Variants in SYN2 observed in about 807,000 individuals in gnomAD.
SYN2 encodes synapsin II.
In SYN2, 19 loss-of-function variants were observed where a neutral mutation model predicts 50.9. The ratio of observed to expected loss-of-function variants is 0.37; its 90% CI spans 0.26 to 0.55. The LOEUF is 0.55. Among genes scored for constraint, SYN2 ranks in the 20% least tolerant of loss-of-function variants. The probability of loss-of-function intolerance (pLI) is 0.81; values close to 1 mark genes in which losing one functional copy is unlikely to be tolerated. For missense variants in SYN2, 587 were observed against 576.4 expected, an observed-to-expected ratio of 1.02 and a Z score of -0.19; for synonymous variants, 255 against 224.9, an observed-to-expected ratio of 1.13 and a Z score of -1.20.
chr3:12,018,581 A>G (rs1413880679), intron 1 of SYN2, among the ~76,000 whole-genome samples: 1 of 152,194 alleles, frequency 6.6e-6, no homozygotes, highest in Non-Finnish European at 1.5e-5. Context: ...ATTCTCTTGC[A>G]GAAACATCTA....
intron 1 of SYN2, among the ~76,000 whole-genome samples, chr3:12,140,039 T>C (rs1004736438): frequency 3.9e-5 from 6 of 152,346 alleles, no homozygotes; most frequent in African/African-American, 1.4e-4. Flanking sequence ...CTCAGAAATG[T>C]GGGCTAAGTT....
chr3:12,059,224 C>T (rs965067646), intron 1 of SYN2, among the ~76,000 whole-genome samples: 1 of 152,076 alleles, frequency 6.6e-6, no homozygotes, highest in Admixed American at 6.6e-5. Context: ...TTTTTATAGG[C>T]AGGAGTAAAT....
intron 1 of SYN2, among the ~76,000 whole-genome samples, chr3:12,130,936 G>A (rs761927917): frequency 1.4e-4 from 21 of 152,222 alleles, no homozygotes; most frequent in Admixed American, 9.8e-4. Context: ...TCCTAAGGAG[G>A]CAGAACTTGT....
intron 1 of SYN2, among the ~76,000 whole-genome samples, chr3:12,116,594 T>G (rs1559426307): frequency 6.6e-6 from 1 of 152,116 alleles, no homozygotes; most frequent in Non-Finnish European, 1.5e-5. Context: ...AAAGTAAGCT[T>G]TATGTGTTTT....
chr3:12,124,447 A>G (rs185955424), intron 1 of SYN2, among the ~76,000 whole-genome samples: 5 of 152,346 alleles, frequency 3.3e-5, no homozygotes, highest in Admixed American at 2.6e-4. Context: ...AAGAATAGAA[A>G]TAAAATGTGT....
chr3:12,099,715 A>C (rs1025155560), intron 1 of SYN2, among the ~76,000 whole-genome samples: 45 of 152,286 alleles, frequency 3.0e-4, no homozygotes, highest in African/African-American at 1.1e-3. Flanking sequence ...CTGTAATCCC[A>C]GCACTTTGGG....
chr3:12,062,595 A>G (rs1397093450), intron 1 of SYN2, among the ~76,000 whole-genome samples: 1 of 152,014 alleles, frequency 6.6e-6, no homozygotes, highest in Non-Finnish European at 1.5e-5. Context: ...AAATATTTGC[A>G]AAATATGTAC....
At chr3:12,108,945 T>A (rs1003110335) in intron 1 of SYN2, among the ~76,000 whole-genome samples, 10 of 152,312 alleles carry the variant, frequency 6.6e-5, no homozygotes, top group Non-Finnish European at 7.4e-5. Context: ...TCCAATTTTT[T>A]AAAAATGTGG....
chr3:12,147,853 C>G (rs950348636), intron 4 of SYN2, among the ~76,000 whole-genome samples: 20 of 152,152 alleles, frequency 1.3e-4, no homozygotes, highest in African/African-American at 4.6e-4. Flanking sequence ...GTGGCTCACG[C>G]CTGTAATCCC....
intron 1 of SYN2, among the ~76,000 whole-genome samples, chr3:12,108,538 G>A (rs756228294): frequency 3.3e-5 from 5 of 152,148 alleles, no homozygotes; most frequent in Non-Finnish European, 7.3e-5. Context: ...TTGACTTAAG[G>A]TATATGCTGG....
chr3:12,027,792 G>C (rs1341225441), intron 1 of SYN2, among the ~76,000 whole-genome samples: 3 of 152,124 alleles, frequency 2.0e-5, no homozygotes, highest in Non-Finnish European at 2.9e-5. Flanking sequence ...GCCTCTGAGA[G>C]CAGAATGATT....
At chr3:12,074,905 A>C (rs1334346461) in intron 1 of SYN2, among the ~76,000 whole-genome samples, 2 of 152,150 alleles carry the variant, frequency 1.3e-5, no homozygotes, top group Non-Finnish European at 2.9e-5. Flanking sequence ...GTTCTCTGAG[A>C]TATCCCTGTA....
At chr3:12,013,639 A>G (rs1470286653) in intron 1 of SYN2, among the ~76,000 whole-genome samples, 4 of 152,292 alleles carry the variant, frequency 2.6e-5, no homozygotes, top group South Asian at 4.1e-4. Flanking sequence ...ATGGTCACCT[A>G]TTTCAAGTTC....
intron 1 of SYN2, among the ~76,000 whole-genome samples, chr3:12,063,516 G>C (rs893787358): frequency 6.6e-6 from 1 of 152,002 alleles, no homozygotes; most frequent in Non-Finnish European, 1.5e-5. Flanking sequence ...GAGTCAACCA[G>C]GTTTCTCACT....
intron 1 of SYN2, among the ~76,000 whole-genome samples, chr3:12,081,828 C>T (rs1266993067): frequency 2.6e-5 from 4 of 152,148 alleles, no homozygotes; most frequent in Non-Finnish European, 5.9e-5. Context: ...ACTCTTACTT[C>T]AAGGCCCAAC....
intron 1 of SYN2, among the ~76,000 whole-genome samples, chr3:12,096,874 A>G (rs756050208): frequency 7.7e-4 from 118 of 152,296 alleles, no homozygotes; most frequent in Non-Finnish European, 1.2e-3. Flanking sequence ...AAAGAAAAAA[A>G]TGTACAGAGC....
chr3:12,168,828 G>T (rs1697870542), intron 9 of SYN2, among the ~76,000 whole-genome samples: 1 of 139,972 alleles, frequency 7.1e-6, no homozygotes, highest in African/African-American at 2.7e-5. Context: ...GTGAATCAGT[G>T]TCTCAGCTGG....
At chr3:12,079,627 C>A (rs2125173271) in intron 1 of SYN2, among the ~76,000 whole-genome samples, 1 of 152,262 alleles carries the variant, frequency 6.6e-6, no homozygotes, top group Middle Eastern at 3.4e-3. Context: ...TATGTTGAAC[C>A]AGACTTGCAT....
intron 1 of SYN2, among the ~76,000 whole-genome samples, chr3:12,028,880 A>C (rs1175859800): frequency 8.7e-6 from 1 of 114,822 alleles, no homozygotes; most frequent in Non-Finnish European, 1.7e-5. Context: ...CTTTAGTTTA[A>C]TTAGATCCCA....
Sources: gnomAD v4.1 joint callset for allele counts (sites outside exome capture counted in the v4.1 genomes callset) on GRCh38, gnomAD v4.1.1 for gene constraint, MANE v1.5 for transcripts, NCBI Gene and HGNC (gene_info 2026-07-23, HGNC 2026-07-21) for gene names.